Variants in FABP12 observed in about 807,000 individuals in gnomAD.
FABP12 encodes fatty acid binding protein 12.
FABP12 carries 19 observed loss-of-function variants against 13.7 expected under a neutral mutation model. The ratio of observed to expected loss-of-function variants is 1.39; its 90% confidence interval spans 0.97 to 2.04. The LOEUF (loss-of-function observed/expected upper bound fraction) is 2.04, where lower values mean the gene tolerates loss of function less well. Ranked by LOEUF, FABP12 falls within the 30% of genes most tolerant of loss-of-function variation. The pLI is 0.00. For missense variants in FABP12, 182 were observed against 164.2 expected (o/e 1.11, Z -0.59); for synonymous variants, 61 against 57.0 (o/e 1.07, Z -0.32).
intron 1 of FABP12, among the ~76,000 whole-genome samples, chr8:81,568,592 A>C (rs757435083): frequency 9.8e-5 from 15 of 152,332 alleles, no homozygotes; most frequent in Non-Finnish European, 5.9e-5. Context: ...AAAACTAAAA[A>C]TAGAACTACC....
intron 1 of FABP12, among the ~76,000 whole-genome samples, chr8:81,550,854 C>G (rs1184414114): frequency 6.6e-6 from 1 of 152,140 alleles, no homozygotes; most frequent in Non-Finnish European, 1.5e-5. Flanking sequence ...TCAGGAATAA[C>G]ATGATTCTTT....
At chr8:81,534,139 C>T (rs1809163063), upstream of FABP12, among the ~76,000 whole-genome samples, 2 of 151,942 alleles carry the variant, frequency 1.3e-5, no homozygotes, top group Non-Finnish European at 2.9e-5. Flanking sequence ...ACACACACAC[C>T]ATACACATTA....
At chr8:81,571,358 G>A (rs564402030) in intron 1 of FABP12, among the ~76,000 whole-genome samples, 1 of 152,190 alleles carries the variant, frequency 6.6e-6, no homozygotes, top group Non-Finnish European at 1.5e-5. Context: ...TCATCCCGAT[G>A]TGGAGTGGAC....
At chr8:81,537,982 C>T (rs1157048550), upstream of FABP12, among the ~76,000 whole-genome samples, 1 of 152,190 alleles carries the variant, frequency 6.6e-6, no homozygotes, top group Non-Finnish European at 1.5e-5. Context: ...GTTCATGGTT[C>T]TGCAGACTGT....
chr8:81,576,238 C>A (rs758413175), intron 1 of FABP12, among the ~76,000 whole-genome samples: 1 of 152,004 alleles, frequency 6.6e-6, no homozygotes, highest in Non-Finnish European at 1.5e-5. Context: ...ATTTTCAATG[C>A]CACATTTATG....
Position 81,525,502 on chromosome 8 carries a change from T to C in FABP12, c.349-382A>G, listed in dbSNP as rs188900680. ...CTGCACTCCAGCCTGGATGACAGAG[T>C]AAGACTCCGTCTCAAAAAAAAAAAA... On this transcript the variant is annotated intron_variant, in intron 4 of 4. Transcript: ENST00000360464. Among the ~76,000 whole-genome samples, 513 of 138,476 alleles carry C rather than the reference T, an allele frequency of 3.7e-3. 2 individuals are homozygous for C. The highest frequency in any genetic ancestry group is 0.012 in the South Asian group (50 of 4,294). The allele number at this position is 138,476 out of a possible 152,430, so 90.8% of individuals were successfully genotyped here.
intron 1 of FABP12, among the ~76,000 whole-genome samples, chr8:81,568,958 C>T (rs1189586134): frequency 6.6e-6 from 1 of 151,958 alleles, no homozygotes; most frequent in African/African-American, 2.4e-5. Flanking sequence ...TTCCCAAAGG[C>T]TAAGAAGGGT....
intron 1 of FABP12, among the ~76,000 whole-genome samples, chr8:81,565,459 CA>C (rs924252478): frequency 6.6e-6 from 1 of 151,044 alleles, no homozygotes; most frequent in Non-Finnish European, 1.5e-5. Flanking sequence ...TCTAAAAATT[CA>C]AAAAAAATTG....
chr8:81,574,918 T>C, intron 1 of FABP12, among the ~76,000 whole-genome samples: 1 of 146,042 alleles, frequency 6.8e-6, no homozygotes, highest in African/African-American at 2.5e-5. Context: ...TTCATTTATC[T>C]TTTGTATTTT....
At chr8:81,583,715 A>G (rs1397943438) in intron 1 of FABP12, among the ~76,000 whole-genome samples, 2 of 152,104 alleles carry the variant, frequency 1.3e-5, no homozygotes, top group Admixed American at 6.5e-5. Context: ...TCTCCCAACA[A>G]AGAAACAGCC....
At chr8:81,548,727 T>A (rs1230817928) in intron 1 of FABP12, among the ~76,000 whole-genome samples, 1 of 152,118 alleles carries the variant, frequency 6.6e-6, no homozygotes, top group African/African-American at 2.4e-5. Flanking sequence ...AAGACATTTT[T>A]GGCAGATAAG....
chr8:81,588,062 T>C (rs1810268615), intron 1 of FABP12, among the ~76,000 whole-genome samples: 1 of 152,182 alleles, frequency 6.6e-6, no homozygotes, highest in Admixed American at 6.5e-5. Flanking sequence ...TGCCTGCTTT[T>C]ATCCTAGCCA....
chr8:81,578,097 CA>C (rs1332724578), intron 1 of FABP12, among the ~76,000 whole-genome samples: 3 of 152,238 alleles, frequency 2.0e-5, no homozygotes, highest in Non-Finnish European at 4.4e-5. Flanking sequence ...ACTTTTTAAC[CA>C]CAGGACTTTA....
chr8:81,568,513 C>T (rs1809868712), intron 1 of FABP12, among the ~76,000 whole-genome samples: 1 of 152,134 alleles, frequency 6.6e-6, no homozygotes, highest in African/African-American at 2.4e-5. Context: ...AAAGAGAACC[C>T]TTGAACACTG....
At chr8:81,557,310 G>A (rs1809637225) in intron 1 of FABP12, among the ~76,000 whole-genome samples, 1 of 152,110 alleles carries the variant, frequency 6.6e-6, no homozygotes, top group African/African-American at 2.4e-5. Flanking sequence ...TTCCTGATAT[G>A]GACAAAGTAA....
chr8:81,586,840 T>C (rs117696661), intron 1 of FABP12, among the ~76,000 whole-genome samples: 4,220 of 152,356 alleles, frequency 0.028, 90 homozygotes, highest in South Asian at 0.087. Flanking sequence ...TAATTGCTTT[T>C]GGAGTCCTTG....
intron 3 of FABP12, 72 bp downstream of exon 3, chr8:81,529,366 G>T: frequency 6.9e-7 from 1 of 1,448,802 alleles, no homozygotes; most frequent in Non-Finnish European, 9.7e-7. Flanking sequence ...TGCTAGAATT[G>T]CTTACTTACC....
intron 1 of FABP12, among the ~76,000 whole-genome samples, chr8:81,552,132 G>A (rs1809532567): frequency 6.6e-6 from 1 of 152,134 alleles, no homozygotes; most frequent in African/African-American, 2.4e-5. Flanking sequence ...ACCAATCTAT[G>A]GGGTACAGAA....
At chr8:81,583,653 A>G (rs1372384509) in intron 1 of FABP12, among the ~76,000 whole-genome samples, 1 of 152,188 alleles carries the variant, frequency 6.6e-6, no homozygotes, top group Non-Finnish European at 1.5e-5. Context: ...GAAGAAATAG[A>G]AAACTTGAAC....
Sources: allele counts gnomAD v4.1 joint callset (sites outside exome capture counted in the v4.1 genomes callset), GRCh38; gene constraint gnomAD v4.1.1; transcripts MANE v1.5; gene names NCBI Gene and HGNC (gene_info 2026-07-23, HGNC 2026-07-21).